ATP10A: variants seen among roughly 807,000 people sequenced by gnomAD.
The protein encoded by ATP10A is phospholipid-transporting ATPase VA.
Under a neutral mutation model 147.8 loss-of-function variants are expected in ATP10A, and 111 were observed. The observed-to-expected ratio is 0.75, with a 90% confidence interval of 0.64 to 0.88. The LOEUF is 0.88. ATP10A is among the 40% of genes least tolerant of loss of function. The probability of loss-of-function intolerance (pLI) is 0.00; values close to 1 mark genes in which losing one functional copy is unlikely to be tolerated. For synonymous variants in ATP10A, 875 were observed against 841.6 expected (o/e 1.04, Z -0.69); for missense variants, 1,927 against 1,959.0 (o/e 0.98, Z 0.31).
intron 1 of ATP10A, among the ~76,000 whole-genome samples, chr15:25,810,271 C>T (rs942460754): frequency 2.0e-5 from 3 of 152,188 alleles, no homozygotes; most frequent in Admixed American, 1.3e-4. Flanking sequence ...TTAAGATCCC[C>T]TAACGTTCCC....
At chr15:25,754,603 T>C (rs572630663) in intron 2 of ATP10A, among the ~76,000 whole-genome samples, 2 of 152,138 alleles carry the variant, frequency 1.3e-5, no homozygotes, top group South Asian at 2.1e-4. Flanking sequence ...ATTGGCTGAG[T>C]TGGTCAAGGC....
chr15:25,708,135 G>C (rs758129259), intron 11 of ATP10A, 33 bp from the exon 12 acceptor site: 1 of 1,613,178 alleles, frequency 6.2e-7, no homozygotes, highest in East Asian at 2.2e-5. Context: ...TGCTGCACCG[G>C]GCGCTGCTCA....
At chr15:25,856,385 C>A (rs1893520162) in intron 1 of ATP10A, among the ~76,000 whole-genome samples, 1 of 152,168 alleles carries the variant, frequency 6.6e-6, no homozygotes, top group Non-Finnish European at 1.5e-5. Context: ...GAGGCCTCCC[C>A]AGCCATGCAG....
chr15:25,844,274 G>A (rs1045863463), intron 1 of ATP10A, among the ~76,000 whole-genome samples: 5 of 152,136 alleles, frequency 3.3e-5, no homozygotes, highest in Admixed American at 1.3e-4. Flanking sequence ...CAGGTGGTGC[G>A]TTTCTCTCCA....
Position 25,687,746 on chromosome 15 carries a change from G to A in ATP10A, c.3248C>T (p.Ser1083Phe). The change falls in exon 16 of 21, where the codon TCC (serine) becomes TTC (phenylalanine). Residue 1083 changes from serine (S) to phenylalanine (F), a missense_variant. Transcript: ENST00000555815. ...LLILHGHWCY[S>F]RLANMVLYFF... ...GTACAGCACCATGTTGGCAAGTCGG[G>A]AGTAGCACCAATGCCCGTGAAGAAT... The A allele has an allele frequency of 3.1e-6, 5 of 1,612,694 alleles. No homozygotes were observed. The highest frequency in any genetic ancestry group is 4.2e-6 in the Non-Finnish European group (5 of 1,178,952).
At chr15:25,727,898 G>A (rs1290383002) in intron 3 of ATP10A, among the ~76,000 whole-genome samples, 1 of 152,202 alleles carries the variant, frequency 6.6e-6, no homozygotes, top group African/African-American at 2.4e-5. Context: ...GCCCACTGAT[G>A]ACCCAGGCTG....
chr15:25,693,542 C>T (rs1394806450), intron 14 of ATP10A, among the ~76,000 whole-genome samples: 1 of 58,442 alleles, frequency 1.7e-5, no homozygotes, highest in Non-Finnish European at 4.8e-5. Context: ...TGTCCTCGTG[C>T]TCCCAGGGAA....
intron 7 of ATP10A, among the ~76,000 whole-genome samples, chr15:25,718,877 A>T (rs898080722): frequency 3.3e-5 from 5 of 152,094 alleles, no homozygotes; most frequent in Admixed American, 2.6e-4. Flanking sequence ...GCTATGGCAC[A>T]GGGGGGCTCA....
At chr15:25,719,117 GT>G (rs1902045945) in intron 7 of ATP10A, among the ~76,000 whole-genome samples, 1 of 152,124 alleles carries the variant, frequency 6.6e-6, no homozygotes, top group Admixed American at 6.5e-5. Context: ...TTGTTTCACC[GT>G]GGATGAGCAA....
chr15:25,801,293 G>A (rs1448380033), intron 1 of ATP10A, among the ~76,000 whole-genome samples: 3 of 152,134 alleles, frequency 2.0e-5, no homozygotes, highest in Non-Finnish European at 4.4e-5. Flanking sequence ...GGGGCATGAG[G>A]TGGACCAGCA....
intron 12 of ATP10A, among the ~76,000 whole-genome samples, chr15:25,702,770 T>G (rs1596714419): frequency 6.6e-6 from 1 of 151,792 alleles, no homozygotes; most frequent in East Asian, 1.9e-4. Flanking sequence ...TTTTTTTTTT[T>G]AAGATCTGTT....
intron 7 of ATP10A, among the ~76,000 whole-genome samples, chr15:25,719,105 G>C (rs969060812): frequency 5.3e-5 from 8 of 152,198 alleles, no homozygotes; most frequent in Non-Finnish European, 1.2e-4. Flanking sequence ...AGGGAGGACA[G>C]CTTGTTTCAC....
At chr15:25,756,535 C>T (rs1243564850) in intron 2 of ATP10A, among the ~76,000 whole-genome samples, 4 of 151,996 alleles carry the variant, frequency 2.6e-5, no homozygotes. Context: ...CCCAGCTACT[C>T]GGGAGACTGA....
chr15:25,862,852 T>G lies in ATP10A; in HGVS notation c.245A>C (p.Gln82Pro). The change falls in exon 1 of 21, where the codon CAG (glutamine) becomes CCG (proline). Residue 82 changes from glutamine to proline, a missense_variant. Coordinates refer to ENST00000555815, the MANE Select transcript of ATP10A (RefSeq NM_024490.4). ...LSFLPKNLFEQFHRPANVYFV... is the reference protein window; with the variant it reads ...LSFLPKNLFEPFHRPANVYFV... ...GTACACGTTGGCCGGGCGGTGGAAC[T>G]GCTCGAACAGGTTCTTGGGCAGGAA... 4 of 1,610,786 alleles carry G rather than the reference T, an allele frequency of 2.5e-6. No homozygotes were observed. Among genetic ancestry groups the G allele is most frequent in the Non-Finnish European group, 3.4e-6 (4 of 1,178,660 alleles).
intron 2 of ATP10A, among the ~76,000 whole-genome samples, chr15:25,740,121 G>T (rs1263549596): frequency 2.0e-5 from 3 of 152,142 alleles, no homozygotes; most frequent in Non-Finnish European, 4.4e-5. Flanking sequence ...TACCAACCTT[G>T]TATTTCACAT....
chr15:25,762,311 A>G (rs1045957050), intron 2 of ATP10A, among the ~76,000 whole-genome samples: 1 of 152,180 alleles, frequency 6.6e-6, no homozygotes, highest in African/African-American at 2.4e-5. Context: ...GCAGTCTGAG[A>G]GTAGACTAAT....
intron 12 of ATP10A, among the ~76,000 whole-genome samples, chr15:25,702,432 T>C (rs753050289): frequency 6.6e-6 from 1 of 152,216 alleles, no homozygotes. Context: ...ACTTTACAGA[T>C]AACCTGAAGG....
intron 2 of ATP10A, among the ~76,000 whole-genome samples, chr15:25,747,684 GA>G (rs990643577): frequency 2.6e-5 from 4 of 151,976 alleles, no homozygotes; most frequent in African/African-American, 7.2e-5. Context: ...ATTTAGAGTA[GA>G]AAAAAACCCA....
At chr15:25,796,219 G>A (rs28451475) in intron 1 of ATP10A, among the ~76,000 whole-genome samples, 44,412 of 151,886 alleles carry the variant, frequency 0.29, 7,268 homozygotes, top group Non-Finnish European at 0.37. Flanking sequence ...GGAGGAGTTC[G>A]AGACTAGCCT....
Sources: allele counts gnomAD v4.1 joint callset (sites outside exome capture counted in the v4.1 genomes callset), GRCh38; gene constraint gnomAD v4.1.1; transcripts MANE v1.5; gene names NCBI Gene and HGNC (gene_info 2026-07-23, HGNC 2026-07-21).